Variants in ADAMTS19 observed in about 807,000 individuals in gnomAD.
The protein encoded by ADAMTS19 is A disintegrin and metalloproteinase with thrombospondin motifs 19.
A neutral mutation model predicts 153.3 loss-of-function variants in ADAMTS19; 93 were observed. That is an observed-to-expected ratio of 0.61 (90% confidence interval 0.51 to 0.72). The LOEUF (loss-of-function observed/expected upper bound fraction) is 0.72, where lower values mean the gene tolerates loss of function less well. Among genes scored for constraint, ADAMTS19 ranks in the 30% least tolerant of loss-of-function variants. The pLI, the probability that ADAMTS19 is intolerant of heterozygous loss-of-function variation, is 0.00. For missense variants in ADAMTS19, 1,482 were observed against 1,552.1 expected, an observed-to-expected ratio of 0.95 and a Z score of 0.76; for synonymous variants, 600 against 556.6, an observed-to-expected ratio of 1.08 and a Z score of -1.10.
intron 3 of ADAMTS19, among the ~76,000 whole-genome samples, chr5:129,519,660 A>C (rs1751729758): frequency 6.6e-6 from 1 of 151,726 alleles, no homozygotes; most frequent in African/African-American, 2.4e-5. Context: ...AAAAAAAAAA[A>C]AGAGACAGGA....
chr5:129,641,845 G>A lies in ADAMTS19; in HGVS notation c.1771-14G>A. ...ATACCTTCCCCTTATTAGTTATTGT[G>A]CCTTTGTTTTCAGCATGTTATTTGC... On this transcript the variant is annotated splice_polypyrimidine_tract_variant and intron_variant, in intron 10 of 22. Transcript: ENST00000274487. The A allele has an allele frequency of 6.5e-7, 1 of 1,543,004 alleles. No homozygotes were observed. Among genetic ancestry groups the A allele is most frequent in the South Asian group, 1.2e-5 (1 of 82,116 alleles).
intron 7 of ADAMTS19, among the ~76,000 whole-genome samples, chr5:129,584,676 C>T (rs1429299294): frequency 6.6e-6 from 1 of 152,146 alleles, no homozygotes; most frequent in Non-Finnish European, 1.5e-5. Context: ...TTTGAACTTC[C>T]TGGTAGCTTT....
intron 10 of ADAMTS19, among the ~76,000 whole-genome samples, chr5:129,636,569 A>T (rs1752544028): frequency 1.3e-5 from 2 of 152,190 alleles, no homozygotes; most frequent in Non-Finnish European, 2.9e-5. Context: ...CATGGGTTAC[A>T]TTTCCCTTTC....
rs549695138 is a variant in ADAMTS19, at chr5:129,481,578, T to A, written c.747+19821T>A. Among the ~76,000 whole-genome samples, 39 of 152,328 alleles carry A rather than the reference T, an allele frequency of 2.6e-4. 1 individual carries two copies. The South Asian group carries it at 4.1e-3, about 16-fold the overall frequency. On this transcript the variant is annotated intron_variant, in intron 2 of 22. Transcript: ENST00000274487. The stretch of plus-strand genomic sequence containing the variant: ...AGGTATAGTCTGATAATAGTTGTAG[T>A]AACACTGTTACATTTCTTAACAATG...
rs147528444 is a variant in ADAMTS19 at position 129,470,019 on chromosome 5, C to T, written c.747+8262C>T. Among the ~76,000 whole-genome samples the T allele has an allele frequency of 1.1e-3, 172 of 152,220 alleles. 1 individual carries two copies. Among genetic ancestry groups the T allele is most frequent in the African/African-American group, 4.0e-3 (167 of 41,554 alleles). ...GTGATGCTGATCGAATAAGCTACATCGTACATTAAAAATAAACTATTTAAT... is the reference window on the plus strand; with the variant it reads ...GTGATGCTGATCGAATAAGCTACATTGTACATTAAAAATAAACTATTTAAT... On this transcript the variant is annotated intron_variant, in intron 2 of 22. Transcript: ENST00000274487.
chr5:129,662,768 G>A (rs1753867100), intron 15 of ADAMTS19, among the ~76,000 whole-genome samples: 1 of 151,792 alleles, frequency 6.6e-6, no homozygotes, highest in Non-Finnish European at 1.5e-5. Flanking sequence ...TCTCTTTGAT[G>A]CCTCATGTTT....
chr5:129,505,729 TCAAATAA>T lies in ADAMTS19; in HGVS notation c.748-3345_748-3339del, dbSNP rs1561542581. On this transcript the variant is annotated intron_variant, in intron 2 of 22. Transcript: ENST00000274487. ...TGGAAATTCTTACTAAATTGAGAAA[TCAAATAA>T]CATTAAATGACAAAAGAACAGATGT... 5.3e-5 allele frequency among the ~76,000 whole-genome samples: 8 copies of T among 151,986 alleles called. No homozygotes were observed. The South Asian group carries it at 1.7e-3, about 32-fold the overall frequency.
intron 2 of ADAMTS19, among the ~76,000 whole-genome samples, chr5:129,478,505 C>T (rs1750299681): frequency 1.3e-5 from 2 of 152,138 alleles, no homozygotes; most frequent in Admixed American, 1.3e-4. Context: ...TCCTTTTAAT[C>T]ATACCTACAA....
chr5:129,648,032 T>C (rs1753146427), intron 12 of ADAMTS19, 137 bp downstream of exon 12: 3 of 890,044 alleles, frequency 3.4e-6, no homozygotes, highest in Non-Finnish European at 4.7e-6. Flanking sequence ...GTCCTTCAAA[T>C]TATTTATTTT....
chr5:129,476,020 T>A (rs1750212344), intron 2 of ADAMTS19, among the ~76,000 whole-genome samples: 1 of 152,154 alleles, frequency 6.6e-6, no homozygotes, highest in Admixed American at 6.5e-5. Flanking sequence ...CAAAACCGAT[T>A]ATTTTTTTTT....
At chr5:129,574,342 G>T (rs77219023) in intron 7 of ADAMTS19, among the ~76,000 whole-genome samples, 1 of 151,630 alleles carries the variant, frequency 6.6e-6, no homozygotes, top group South Asian at 2.1e-4. Flanking sequence ...CGTGCAGAAC[G>T]TGCAGGTGTG....
intron 7 of ADAMTS19, among the ~76,000 whole-genome samples, chr5:129,569,835 A>G (rs140130070): frequency 2.0e-5 from 3 of 152,112 alleles, no homozygotes; most frequent in East Asian, 3.9e-4. Flanking sequence ...AGAGGAATGT[A>G]TAGGGTTAAA....
chr5:129,623,125 A>G (rs1751860131), intron 10 of ADAMTS19, among the ~76,000 whole-genome samples: 1 of 152,238 alleles, frequency 6.6e-6, no homozygotes, highest in Non-Finnish European at 1.5e-5. Flanking sequence ...AGGAACAAAA[A>G]TTAAGAGAGT....
intron 7 of ADAMTS19, among the ~76,000 whole-genome samples, chr5:129,583,741 G>A (rs1175670618): frequency 6.6e-6 from 1 of 151,652 alleles, no homozygotes; most frequent in Non-Finnish European, 1.5e-5. Context: ...AAGTTCTTGT[G>A]CTGTGTTTTT....
chr5:129,676,199 G>A (rs1754543244), intron 16 of ADAMTS19, among the ~76,000 whole-genome samples: 1 of 152,076 alleles, frequency 6.6e-6, no homozygotes, highest in Non-Finnish European at 1.5e-5. Context: ...TGGATATTAT[G>A]AATGTGACAT....
intron 19 of ADAMTS19, among the ~76,000 whole-genome samples, chr5:129,698,408 A>C (rs1324696650): frequency 6.6e-6 from 1 of 152,194 alleles, no homozygotes; most frequent in Admixed American, 6.5e-5. Flanking sequence ...TTATTGAGAA[A>C]GTCACTAAAT....
rs1373678634 is a variant in ADAMTS19 at position 129,620,668 on chromosome 5, A to G, written c.1529A>G (p.His510Arg). 3 of 1,612,806 alleles carry G rather than the reference A, an allele frequency of 1.9e-6. No homozygotes were observed. The highest frequency in any genetic ancestry group is 2.2e-5 in the South Asian group (2 of 91,004). ...CACCCATCGTGTGCTGATGGTCTTC[A>G]TATCATGTCTGGTGAATGGATTAAA... Reference protein sequence around the residue: ...NDHPSCADGLHIMSGEWIKGQ... With the variant: ...NDHPSCADGLRIMSGEWIKGQ... The change falls in exon 9 of 23, where the codon CAT becomes CGT. Residue 510 changes from histidine to arginine, a missense_variant. Around this residue, in one of 2 missense-constraint regions of ADAMTS19, gnomAD observed 866 missense variants for 827.7 expected, o/e 1.05. Transcript: ENST00000274487.
chr5:129,637,626 G>C (rs968070213), intron 10 of ADAMTS19, among the ~76,000 whole-genome samples: 1 of 152,054 alleles, frequency 6.6e-6, no homozygotes, highest in African/African-American at 2.4e-5. Flanking sequence ...GGGCGGATCA[G>C]CTGAGGTCAG....
intron 10 of ADAMTS19, among the ~76,000 whole-genome samples, chr5:129,640,888 G>A (rs1021910548): frequency 6.6e-5 from 10 of 151,816 alleles, no homozygotes; most frequent in South Asian, 2.1e-4. Flanking sequence ...ACAGTGGCAC[G>A]GTCTCAGCTC....
Sources: gnomAD v4.1 joint callset for allele counts (sites outside exome capture counted in the v4.1 genomes callset) on GRCh38, gnomAD v4.1.1 for gene constraint, gnomAD v4.1.1 regional missense constraint, MANE v1.5 for transcripts, NCBI Gene and HGNC (gene_info 2026-07-23, HGNC 2026-07-21) for gene names.